The following RBFOX1 variants were observed in gnomAD, a reference collection of about 807,000 sequenced individuals.
The protein encoded by RBFOX1 is RNA binding fox-1 homolog 1.
In RBFOX1, 8 loss-of-function variants were observed where a neutral mutation model predicts 57.7. The ratio of observed to expected loss-of-function variants is 0.14; its 90% CI spans 0.08 to 0.25. The LOEUF is 0.25. Among genes scored for constraint, RBFOX1 ranks in the 10% least tolerant of loss-of-function variants. The pLI is 1.00. For synonymous variants in RBFOX1, 326 were observed against 222.4 expected (o/e 1.47, Z -4.15); for missense variants, 611 against 548.5 (o/e 1.11, Z -1.14).
At chr16:6,691,469 T>TC (rs1204861173) in intron 3 of RBFOX1, among the ~76,000 whole-genome samples, 1 of 151,988 alleles carries the variant, frequency 6.6e-6, no homozygotes, top group Non-Finnish European at 1.5e-5. Context: ...TTTTCTTTAT[T>TC]TTTTTTGTGG....
At chr16:5,406,090 T>A (rs1219935799) in intron 1 of RBFOX1, among the ~76,000 whole-genome samples, 1 of 152,230 alleles carries the variant, frequency 6.6e-6, no homozygotes, top group East Asian at 1.9e-4. Context: ...CTTATGTATT[T>A]GAAATCTGAT....
chr16:6,215,263 G>C lies in RBFOX1; in HGVS notation c.-126-101732G>C, dbSNP rs377674732. ...AGGAGAGGGAAGGGAGAGAGAGAAG[G>C]GCAGAGGGAGAGAGGGAAAAGGAGA... is the stretch of plus-strand genomic sequence containing the variant. On this transcript the variant is annotated intron_variant, in intron 1 of 15. Coordinates refer to ENST00000550418, the MANE Select transcript of RBFOX1 (RefSeq NM_018723.4). Among the ~76,000 whole-genome samples the C allele has an allele frequency of 1.3e-4, 17 of 129,652 alleles. No homozygotes were observed. The South Asian group carries it at 4.6e-3, about 35-fold the overall frequency. The allele number at this position is 129,652 out of a possible 152,430, so 85.1% of individuals were successfully genotyped here. A position where few individuals can be genotyped will look rare whatever the true frequency, so the allele number is the denominator to read the frequency against.
intron 3 of RBFOX1, among the ~76,000 whole-genome samples, chr16:6,875,280 C>T (rs1368042399): frequency 1.3e-5 from 2 of 152,184 alleles, no homozygotes; most frequent in Admixed American, 6.5e-5. Flanking sequence ...GTTGTCTAAA[C>T]AATACAACTC....
chr16:5,969,352 C>G (rs1397216349), intron 4 of RBFOX1, among the ~76,000 whole-genome samples: 3 of 145,174 alleles, frequency 2.1e-5, no homozygotes, highest in African/African-American at 7.6e-5. Context: ...CTCACTGTCA[C>G]CCGGGCTGGA....
At chr16:5,920,278 C>T (rs1283533420) in intron 4 of RBFOX1, among the ~76,000 whole-genome samples, 3 of 152,166 alleles carry the variant, frequency 2.0e-5, no homozygotes, top group Non-Finnish European at 2.9e-5. Context: ...GTATTTCACT[C>T]AGTCTTATTC....
intron 4 of RBFOX1, among the ~76,000 whole-genome samples, chr16:7,421,562 G>A (rs952135653): frequency 1.5e-4 from 23 of 152,320 alleles, no homozygotes; most frequent in African/African-American, 3.4e-4. Context: ...TGCTCTGAGC[G>A]TACCTAACCT....
At chr16:7,600,222 C>T (rs539746206) in intron 9 of RBFOX1, among the ~76,000 whole-genome samples, 1 of 152,176 alleles carries the variant, frequency 6.6e-6, no homozygotes, top group East Asian at 1.9e-4. Context: ...GTTCCTGTCA[C>T]ACATACTGTG....
intron 2 of RBFOX1, among the ~76,000 whole-genome samples, chr16:6,477,902 A>T (rs993590553): frequency 1.1e-4 from 17 of 152,088 alleles, no homozygotes; most frequent in African/African-American, 3.9e-4. Context: ...CATGTTACAG[A>T]TACTCCTCCT....
At chr16:6,838,744 G>C (rs2093284427) in intron 3 of RBFOX1, among the ~76,000 whole-genome samples, 1 of 152,132 alleles carries the variant, frequency 6.6e-6, no homozygotes, top group Non-Finnish European at 1.5e-5. Flanking sequence ...CATTTGCTTA[G>C]CATCCTCCAG....
chr16:7,708,494 TGATTGAATGG>T (rs2083228567), intron 14 of RBFOX1, among the ~76,000 whole-genome samples: 1 of 133,714 alleles, frequency 7.5e-6, no homozygotes, highest in Admixed American at 7.7e-5. Context: ...CAAATCAGTC[TGATTGAATGG>T]GAATGGGAAT....
At chr16:7,074,958 G>C (rs2058036348) in intron 4 of RBFOX1, among the ~76,000 whole-genome samples, 1 of 152,144 alleles carries the variant, frequency 6.6e-6, no homozygotes, top group Non-Finnish European at 1.5e-5. Context: ...GGAAGAGGTA[G>C]GGGAGCTCAT....
At chr16:6,280,829 A>G (rs888453479) in intron 1 of RBFOX1, among the ~76,000 whole-genome samples, 1 of 151,958 alleles carries the variant, frequency 6.6e-6, no homozygotes, top group Non-Finnish European at 1.5e-5. Flanking sequence ...CCGAGGACAC[A>G]TACTACAGAG....
At chr16:5,327,678 T>C (rs969212311) in intron 1 of RBFOX1, among the ~76,000 whole-genome samples, 4 of 152,190 alleles carry the variant, frequency 2.6e-5, no homozygotes, top group African/African-American at 9.7e-5. Flanking sequence ...GGAAACAGAA[T>C]GTAGCAGCAT....
chr16:5,987,554 G>C (rs2060306920), intron 4 of RBFOX1, among the ~76,000 whole-genome samples: 1 of 152,032 alleles, frequency 6.6e-6, no homozygotes, highest in Non-Finnish European at 1.5e-5. Context: ...CATAAGCGGG[G>C]CACAGGGGCA....
At chr16:7,481,984 C>CT (rs1359978105) in intron 4 of RBFOX1, among the ~76,000 whole-genome samples, 1 of 152,174 alleles carries the variant, frequency 6.6e-6, no homozygotes, top group African/African-American at 2.4e-5. Flanking sequence ...ACGGTTTCTC[C>CT]TGAATGATTT....
At chr16:5,354,281 T>C (rs1341469485) in intron 1 of RBFOX1, among the ~76,000 whole-genome samples, 1 of 152,216 alleles carries the variant, frequency 6.6e-6, no homozygotes, top group Non-Finnish European at 1.5e-5. Context: ...GAGAACTGTA[T>C]TGGTTGGACC....
At chr16:6,947,353 C>A (rs1307297766) in intron 3 of RBFOX1, among the ~76,000 whole-genome samples, 1 of 152,108 alleles carries the variant, frequency 6.6e-6, no homozygotes, top group Admixed American at 6.5e-5. Flanking sequence ...ATGAAGACAC[C>A]TGGGTGCCTG....
chr16:5,873,512 T>G (rs946551104), intron 4 of RBFOX1, among the ~76,000 whole-genome samples: 1 of 152,174 alleles, frequency 6.6e-6, no homozygotes, highest in African/African-American at 2.4e-5. Flanking sequence ...AATTCAAGAG[T>G]CCAGAATTCT....
rs1404375259 is a variant in RBFOX1 at position 7,712,776 on chromosome 16, A to G, written c.*2031A>G. On this transcript the variant is annotated 3_prime_UTR_variant, in exon 16 of 16. Transcript: ENST00000550418. ...AACACTATGACATCCTCCAGAGGGA[A>G]GAAAGAGTAGGAGCAGGGGGCTATG... 1 of 152,216 alleles carries G rather than the reference A, an allele frequency of 6.6e-6. No individual in the cohort carries two copies. The highest frequency in any genetic ancestry group is 1.5e-5 in the Non-Finnish European group (1 of 68,030). The allele number at this position is 152,216 out of a possible 1,614,324, so 9.4% of individuals were successfully genotyped here. A position where few individuals can be genotyped will look rare whatever the true frequency, so the allele number is the denominator to read the frequency against.
Sources: gnomAD v4.1 joint callset for allele counts (sites outside exome capture counted in the v4.1 genomes callset) on GRCh38, gnomAD v4.1.1 for gene constraint, MANE v1.5 for transcripts, NCBI Gene and HGNC (gene_info 2026-07-23, HGNC 2026-07-21) for gene names.